MAGI1: variants seen among roughly 807,000 people sequenced by gnomAD.
MAGI1 encodes membrane-associated guanylate kinase, WW and PDZ domain-containing protein 1.
Under a neutral mutation model 139.9 loss-of-function variants are expected in MAGI1, and 58 were observed. The observed-to-expected ratio is 0.41, with a 90% CI of 0.34 to 0.52. The LOEUF is 0.52. MAGI1 is among the 20% of genes least tolerant of loss of function. The probability of loss-of-function intolerance (pLI) is 0.12; values close to 1 mark genes in which losing one functional copy is unlikely to be tolerated. For synonymous variants in MAGI1, 812 were observed against 737.9 expected (o/e 1.10, Z -1.63); for missense variants, 1,874 against 1,901.6 (o/e 0.99, Z 0.27).
chr3:65,698,965 G>A (rs1472545548), intron 1 of MAGI1, among the ~76,000 whole-genome samples: 14 of 133,314 alleles, frequency 1.1e-4, no homozygotes, highest in Admixed American at 2.2e-4. Context: ...GAAAATTTTC[G>A]CAACCTACTC....
At chr3:65,645,015 A>G (rs1160882688) in intron 1 of MAGI1, among the ~76,000 whole-genome samples, 2 of 145,170 alleles carry the variant, frequency 1.4e-5, no homozygotes, top group Non-Finnish European at 3.1e-5. Context: ...AAATAAAAAG[A>G]AAGAAAAAAA....
chr3:65,668,364 A>C (rs1330741813), intron 1 of MAGI1, among the ~76,000 whole-genome samples: 1 of 152,212 alleles, frequency 6.6e-6, no homozygotes, highest in Non-Finnish European at 1.5e-5. Flanking sequence ...GTACTCAGAG[A>C]CATCAGTCAT....
At chr3:65,469,040 A>G (rs992735788) in intron 5 of MAGI1, among the ~76,000 whole-genome samples, 12 of 152,242 alleles carry the variant, frequency 7.9e-5, no homozygotes, top group East Asian at 1.9e-4. Context: ...ACGCATATCA[A>G]TGAAAAATGT....
chr3:65,934,416 C>T (rs2062951177), intron 1 of MAGI1, among the ~76,000 whole-genome samples: 1 of 151,974 alleles, frequency 6.6e-6, no homozygotes, highest in South Asian at 2.1e-4. Flanking sequence ...AAAGAAGAAA[C>T]AATAGGTCGG....
chr3:65,914,269 ACT>A (rs1189634112), intron 1 of MAGI1: 4 of 152,010 alleles, frequency 2.6e-5, no homozygotes, highest in African/African-American at 7.3e-5. Context: ...AAAAAAGTCA[ACT>A]CTCTGTTGCA....
rs149402093 is a variant in MAGI1 at position 65,782,284 on chromosome 3, T to C, written c.314-160196A>G. On this transcript the variant is annotated intron_variant, in intron 1 of 22. Transcript: ENST00000402939. ...CATCTGTAAAAGATAAGACTGTAGA[T>C]GAATGGCACAGAAGGATACAACGTT... 8.6e-3 allele frequency among the ~76,000 whole-genome samples: 1,312 copies of C among 152,134 alleles called. 6 individuals carry two copies. The highest frequency in any genetic ancestry group is 0.014 in the Non-Finnish European group (927 of 67,996).
At chr3:66,035,221 A>C (rs1374028107) in intron 1 of MAGI1, among the ~76,000 whole-genome samples, 3 of 152,206 alleles carry the variant, frequency 2.0e-5, no homozygotes, top group African/African-American at 4.8e-5. Context: ...TTCCTGCACA[A>C]TCCAGTCCTG....
chr3:65,906,066 G>C (rs1368685176), intron 1 of MAGI1, among the ~76,000 whole-genome samples: 1 of 152,180 alleles, frequency 6.6e-6, no homozygotes, highest in Non-Finnish European at 1.5e-5. Flanking sequence ...ATTTGAGCAT[G>C]TGTTTTCCAT....
chr3:65,460,012 T>C (rs1575830216), intron 5 of MAGI1, among the ~76,000 whole-genome samples: 2 of 152,340 alleles, frequency 1.3e-5, no homozygotes, highest in African/African-American at 4.8e-5. Context: ...CATTTCATCT[T>C]TTCACTATTA....
chr3:65,913,684 A>G (rs1011930089), intron 1 of MAGI1, among the ~76,000 whole-genome samples: 5 of 152,206 alleles, frequency 3.3e-5, no homozygotes, highest in African/African-American at 1.2e-4. Context: ...AATAAAAAGC[A>G]TTTTGCAAAC....
intron 18 of MAGI1, among the ~76,000 whole-genome samples, chr3:65,372,494 C>A (rs1300123100): frequency 6.6e-6 from 1 of 152,138 alleles, no homozygotes; most frequent in African/African-American, 2.4e-5. Context: ...TCAGAATAGC[C>A]AGATGAGCAC....
At chr3:65,428,412 G>C (rs1042611347) in intron 12 of MAGI1, among the ~76,000 whole-genome samples, 2 of 152,270 alleles carry the variant, frequency 1.3e-5, no homozygotes, top group East Asian at 3.9e-4. Flanking sequence ...TTTCTGGTGA[G>C]GCAGAGGGTG....
intron 1 of MAGI1, among the ~76,000 whole-genome samples, chr3:65,916,159 C>A (rs916870580): frequency 3.3e-5 from 5 of 151,956 alleles, no homozygotes; most frequent in East Asian, 1.9e-4. Flanking sequence ...CTTTGCCTCC[C>A]GGGTTGACGC....
rs184976256 is a variant in MAGI1 at position 65,986,112 on chromosome 3, G to C, written c.313+51884C>G. On this transcript the variant is annotated intron_variant, in intron 1 of 22. Coordinates refer to ENST00000402939, the MANE Select transcript of MAGI1 (RefSeq NM_001033057.2). ...GGTCATTTCCTTCCATTTCCAGCCA[G>C]ACATAGCTGATTGATCATGGTGCCT... 2.0e-5 allele frequency among the ~76,000 whole-genome samples: 3 copies of C among 152,314 alleles called. No homozygotes were observed. The East Asian group carries it at 5.8e-4, about 29-fold the overall frequency.
chr3:65,893,310 C>T (rs138707284), intron 1 of MAGI1, among the ~76,000 whole-genome samples: 5 of 151,854 alleles, frequency 3.3e-5, no homozygotes, highest in Non-Finnish European at 7.4e-5. Context: ...CAGATACTAA[C>T]ATCAGATTTA....
chr3:65,672,627 C>T (rs1499503), intron 1 of MAGI1, among the ~76,000 whole-genome samples: 51,883 of 151,890 alleles, frequency 0.34, 9,343 homozygotes, highest in East Asian at 0.58. Flanking sequence ...CTGTAAGGCA[C>T]GGAGAAGAAG....
intron 1 of MAGI1, among the ~76,000 whole-genome samples, chr3:65,762,279 C>T (rs138927052): frequency 1.3e-5 from 2 of 152,218 alleles, no homozygotes; most frequent in African/African-American, 2.4e-5. Context: ...CCTTGAACAC[C>T]CATTTCTTCC....
chr3:66,021,753 C>A (rs1169713712), intron 1 of MAGI1, among the ~76,000 whole-genome samples: 2 of 152,104 alleles, frequency 1.3e-5, no homozygotes, highest in African/African-American at 2.4e-5. Flanking sequence ...GTTCTGTGGA[C>A]CACTCTTTGG....
intron 2 of MAGI1, among the ~76,000 whole-genome samples, chr3:65,548,447 G>C (rs888461765): frequency 6.6e-6 from 1 of 151,150 alleles, no homozygotes; most frequent in African/African-American, 2.4e-5. Context: ...CTGCACAAAA[G>C]GGCCTCCCTT....
Sources: gnomAD v4.1 joint callset for allele counts (sites outside exome capture counted in the v4.1 genomes callset) on GRCh38, gnomAD v4.1.1 for gene constraint, MANE v1.5 for transcripts, NCBI Gene and HGNC (gene_info 2026-07-23, HGNC 2026-07-21) for gene names.